PPM1L: variants seen among roughly 807,000 people sequenced by gnomAD.
PPM1L encodes the protein protein phosphatase, Mg2+/Mn2+ dependent 1L, also known as protein phosphatase 1L.
Under a neutral mutation model 31.4 loss-of-function variants are expected in PPM1L, and 13 were observed. That is an observed-to-expected ratio of 0.41 (90% confidence interval 0.27 to 0.66). The LOEUF (loss-of-function observed/expected upper bound fraction) is 0.66. Among genes scored for constraint, PPM1L ranks in the 30% least tolerant of loss-of-function variants. PPM1L has a pLI of 0.29. For synonymous variants in PPM1L, 184 were observed against 175.4 expected, an observed-to-expected ratio of 1.05 and a Z score of -0.39; for missense variants, 326 against 453.7, an observed-to-expected ratio of 0.72 and a Z score of 2.56.
At chr3:160,881,854 A>T (rs1462165095) in intron 1 of PPM1L, among the ~76,000 whole-genome samples, 1 of 152,156 alleles carries the variant, frequency 6.6e-6, no homozygotes, top group East Asian at 1.9e-4. Flanking sequence ...GATTGAGACC[A>T]TCCTGGCTAA....
chr3:161,037,335 A>G (rs1459801726), intron 2 of PPM1L, among the ~76,000 whole-genome samples: 1 of 151,560 alleles, frequency 6.6e-6, no homozygotes, highest in Non-Finnish European at 1.5e-5. Flanking sequence ...GCCAGTGGAG[A>G]GACCTACATG....
chr3:160,985,102 G>C (rs1317055196), intron 2 of PPM1L, among the ~76,000 whole-genome samples: 1 of 152,176 alleles, frequency 6.6e-6, no homozygotes, highest in African/African-American at 2.4e-5. Context: ...CTAATGCCCA[G>C]GCTGCATTCA....
chr3:160,927,462 T>G (rs1324182044), intron 1 of PPM1L, among the ~76,000 whole-genome samples: 1 of 152,200 alleles, frequency 6.6e-6, no homozygotes, highest in East Asian at 1.9e-4. Context: ...CTTCCTTTAC[T>G]TTATAGCTGT....
chr3:160,889,179 A>G (rs892324077), intron 1 of PPM1L, among the ~76,000 whole-genome samples: 1 of 152,222 alleles, frequency 6.6e-6, no homozygotes. Flanking sequence ...AGATAGAGAC[A>G]TGAAAAATTC....
At chr3:160,897,803 A>C (rs1013370522) in intron 1 of PPM1L, among the ~76,000 whole-genome samples, 1 of 152,228 alleles carries the variant, frequency 6.6e-6, no homozygotes, top group African/African-American at 2.4e-5. Flanking sequence ...ATCCCTGGTG[A>C]ATATTCATTT....
chr3:160,936,771 AT>A (rs1176264245), intron 1 of PPM1L, among the ~76,000 whole-genome samples: 10 of 152,190 alleles, frequency 6.6e-5, no homozygotes, highest in East Asian at 3.8e-4. Flanking sequence ...ATTTGTCGTC[AT>A]TATAATTATC....
intron 1 of PPM1L, among the ~76,000 whole-genome samples, chr3:160,924,017 A>G (rs532677962): frequency 6.6e-6 from 1 of 152,350 alleles, no homozygotes; most frequent in East Asian, 1.9e-4. Context: ...TAATTTAGCA[A>G]AAACAAACAA....
intron 1 of PPM1L, among the ~76,000 whole-genome samples, chr3:160,774,608 G>A (rs1576631502): frequency 6.6e-6 from 1 of 152,058 alleles, no homozygotes; most frequent in Non-Finnish European, 1.5e-5. Context: ...TCTGTTGTTT[G>A]CCTATGCAAA....
intron 2 of PPM1L, among the ~76,000 whole-genome samples, chr3:161,045,894 G>A (rs552629706): frequency 2.7e-4 from 41 of 151,580 alleles, no homozygotes; most frequent in African/African-American, 9.4e-4. Context: ...GGTGGATCAC[G>A]AGGTCAGGAG....
At chr3:160,823,947 A>G (rs982963276) in intron 1 of PPM1L, among the ~76,000 whole-genome samples, 2 of 152,170 alleles carry the variant, frequency 1.3e-5, no homozygotes, top group East Asian at 3.9e-4. Context: ...ACATAATATC[A>G]AGAGACGGGA....
Position 161,069,463 on chromosome 3 carries a change from C to A in PPM1L, c.*306C>A. 3.2e-6 allele frequency: 1 copy of A among 317,166 alleles called. No homozygotes were observed. Among genetic ancestry groups the A allele is most frequent in the South Asian group, 3.9e-5 (1 of 25,740 alleles). 19.6% of individuals were successfully genotyped at this position (317,166 alleles called of 1,614,324 possible). Reference sequence around the variant, plus strand: ...AATAGCATATGTGTCATTTAGTCTCCCTGAAGATTCTTTTCAAGATCCTGT... The same window carrying A: ...AATAGCATATGTGTCATTTAGTCTCACTGAAGATTCTTTTCAAGATCCTGT... On this transcript the variant is annotated 3_prime_UTR_variant, in exon 4 of 4. Coordinates refer to ENST00000498165, the MANE Select transcript of PPM1L (RefSeq NM_139245.4).
At chr3:160,878,143 A>G (rs968046531) in intron 1 of PPM1L, among the ~76,000 whole-genome samples, 2 of 152,168 alleles carry the variant, frequency 1.3e-5, no homozygotes, top group Non-Finnish European at 2.9e-5. Context: ...GCAGGCCATC[A>G]CACATTGGCC....
chr3:161,053,915 A>C (rs912185929), intron 2 of PPM1L, among the ~76,000 whole-genome samples: 1 of 152,250 alleles, frequency 6.6e-6, no homozygotes, highest in Non-Finnish European at 1.5e-5. Flanking sequence ...ATGTTTGCTT[A>C]TGCAAAAATA....
chr3:161,013,362 A>C lies in PPM1L; in HGVS notation c.574+51452A>C, dbSNP rs1222497394. Among the ~76,000 whole-genome samples the C allele has an allele frequency of 4.6e-5, 7 of 152,266 alleles. No individual in the cohort carries two copies. In the East Asian group the frequency reaches 1.4e-3, roughly 29 times the overall value. On this transcript the variant is annotated intron_variant, in intron 2 of 3. Coordinates refer to ENST00000498165, the MANE Select transcript of PPM1L (RefSeq NM_139245.4). ...AGTGAGTTTCTTAATCCTGAGTTGT[A>C]GTTTGATTGCACTGTGATCTGAGAG...
chr3:161,023,116 A>G (rs1467149702), intron 2 of PPM1L, among the ~76,000 whole-genome samples: 1 of 145,112 alleles, frequency 6.9e-6, no homozygotes, highest in Non-Finnish European at 1.5e-5. Context: ...ACTTTCTTGT[A>G]CATTATGAGG....
intron 1 of PPM1L, among the ~76,000 whole-genome samples, chr3:160,836,220 A>G (rs1025211779): frequency 1.3e-5 from 2 of 151,926 alleles, no homozygotes; most frequent in Admixed American, 6.6e-5. Flanking sequence ...TTTTCTTTGG[A>G]AGGAAAGGAA....
At chr3:160,826,347 G>C (rs1383471744) in intron 1 of PPM1L, among the ~76,000 whole-genome samples, 1 of 152,090 alleles carries the variant, frequency 6.6e-6, no homozygotes, top group African/African-American at 2.4e-5. Flanking sequence ...TGGGGTCTTT[G>C]TTAGACCCTG....
chr3:160,848,378 T>G (rs777371480), intron 1 of PPM1L, among the ~76,000 whole-genome samples: 14 of 152,186 alleles, frequency 9.2e-5, no homozygotes, highest in Non-Finnish European at 1.8e-4. Flanking sequence ...TAGTGGACTT[T>G]TTTTTCCCGT....
chr3:160,943,248 G>A (rs909875672), intron 1 of PPM1L, among the ~76,000 whole-genome samples: 1 of 152,124 alleles, frequency 6.6e-6, no homozygotes, highest in Admixed American at 6.6e-5. Flanking sequence ...TGTTCCCAAG[G>A]TAGCCCTAAA....
Sources: gnomAD v4.1 joint callset for allele counts (sites outside exome capture counted in the v4.1 genomes callset) on GRCh38, gnomAD v4.1.1 for gene constraint, MANE v1.5 for transcripts, NCBI Gene and HGNC (gene_info 2026-07-23, HGNC 2026-07-21) for gene names.